ANKRD36: variants seen among roughly 807,000 people sequenced by gnomAD.
The protein encoded by ANKRD36 is ankyrin repeat domain 36.
Under a neutral mutation model 278.1 loss-of-function variants are expected in ANKRD36, and 179 were observed. That is an observed-to-expected ratio of 0.64 (90% CI 0.57 to 0.73). The LOEUF (loss-of-function observed/expected upper bound fraction) is 0.73, where lower values mean the gene tolerates loss of function less well. ANKRD36 is among the 30% of genes least tolerant of loss of function. The pLI is 0.00. For missense variants in ANKRD36, 1,159 were observed against 1,956.7 expected, an observed-to-expected ratio of 0.59 and a Z score of 7.69; for synonymous variants, 320 against 641.1, an observed-to-expected ratio of 0.50 and a Z score of 7.57.
chr2:97,134,111 C>T (rs2040884896), intron 6 of ANKRD36, among the ~76,000 whole-genome samples: 1 of 151,916 alleles, frequency 6.6e-6, no homozygotes, highest in South Asian at 2.1e-4. Context: ...TTTGCTGTCC[C>T]CATAGTTTTG....
chr2:97,176,808 T>G (rs1310294926), intron 22 of ANKRD36, among the ~76,000 whole-genome samples: 1 of 151,700 alleles, frequency 6.6e-6, no homozygotes, highest in Non-Finnish European at 1.5e-5. Context: ...GGAGCTCTTT[T>G]AGGGCAGGCC....
chr2:97,184,753 A>T (rs934777522), intron 28 of ANKRD36, among the ~76,000 whole-genome samples: 1 of 151,764 alleles, frequency 6.6e-6, no homozygotes, highest in African/African-American at 2.4e-5. Flanking sequence ...TATGATAAAT[A>T]ATGAATACTA....
At chr2:97,130,849 A>G (rs1272982170) in intron 6 of ANKRD36, among the ~76,000 whole-genome samples, 1 of 151,978 alleles carries the variant, frequency 6.6e-6, no homozygotes, top group Non-Finnish European at 1.5e-5. Flanking sequence ...ACTATATATG[A>G]TTTTCTTTTA....
At chr2:97,172,954 T>C (rs2443863) in intron 22 of ANKRD36, among the ~76,000 whole-genome samples, 17 of 151,972 alleles carry the variant, frequency 1.1e-4, no homozygotes, top group Admixed American at 7.2e-4. Flanking sequence ...TCCTGTCTAA[T>C]GTACTTTGCT....
At chr2:97,152,000 T>C in intron 13 of ANKRD36, 61 bp downstream of exon 13, 2 of 1,312,204 alleles carry the variant, frequency 1.5e-6, no homozygotes, top group East Asian at 5.1e-5. Context: ...TTTTTTTTTT[T>C]TCTTTGTGAA....
At chr2:97,121,764 T>C (rs1381288495) in intron 3 of ANKRD36, among the ~76,000 whole-genome samples, 1 of 152,102 alleles carries the variant, frequency 6.6e-6, no homozygotes, top group Non-Finnish European at 1.5e-5. Context: ...TATTTCTGAT[T>C]GATATTTTAC....
At chr2:97,186,910 G>T (rs1036970075) in intron 30 of ANKRD36, among the ~76,000 whole-genome samples, 2 of 151,804 alleles carry the variant, frequency 1.3e-5, no homozygotes, top group Non-Finnish European at 2.9e-5. Flanking sequence ...CACATTTGTC[G>T]TGATCACTTG....
chr2:97,149,628 G>A (rs937626826), intron 12 of ANKRD36, among the ~76,000 whole-genome samples: 213 of 152,078 alleles, frequency 1.4e-3, no homozygotes, highest in Non-Finnish European at 2.5e-3. Flanking sequence ...AATGATGTTC[G>A]GGAATGCTTT....
At chr2:97,154,155 C>G (rs1160980641) in intron 14 of ANKRD36, among the ~76,000 whole-genome samples, 1 of 145,850 alleles carries the variant, frequency 6.9e-6, no homozygotes, top group African/African-American at 2.4e-5. Context: ...TCAATGGGCC[C>G]TCTTTAAGTA....
chr2:97,230,733 A>G (rs1328680789), intron 67 of ANKRD36, among the ~76,000 whole-genome samples: 1 of 151,980 alleles, frequency 6.6e-6, no homozygotes, highest in Non-Finnish European at 1.5e-5. Flanking sequence ...TAGAGTTTCC[A>G]GTTTTTCTGC....
At position 97,174,562 on chromosome 2, in the gene ANKRD36, C is replaced by T. The variant is rs557067195; in HGVS notation, c.1634-5176C>T. ...TAGCAACTTAGATATATAATCATGT[C>T]ATCTGCAAACAGGGACAATTTGACT... On this transcript the variant is annotated intron_variant, in intron 22 of 75. Coordinates refer to ENST00000420699, the MANE Select transcript of ANKRD36 (RefSeq NM_001354587.1). Among the ~76,000 whole-genome samples the T allele has an allele frequency of 1.4e-3, 212 of 151,950 alleles. 2 individuals are homozygous for T. Among genetic ancestry groups the T allele is most frequent in the Admixed American group, 2.8e-3 (42 of 15,182 alleles).
intron 6 of ANKRD36, among the ~76,000 whole-genome samples, chr2:97,136,116 T>G (rs1329033488): frequency 6.7e-5 from 10 of 150,060 alleles, no homozygotes; most frequent in Non-Finnish European, 1.5e-5. Context: ...CCTCCTGGGA[T>G]GTGAGAGGGG....
rs1329490095 is a variant in ANKRD36, at chr2:97,208,523, G to A, written c.3265+517G>A. Reference sequence around the variant, plus strand: ...TTTATATAATTTTGGAGTTTCTGCTGAGGAAACCTGAGTGAACTCACTTCA... The same window carrying A: ...TTTATATAATTTTGGAGTTTCTGCTAAGGAAACCTGAGTGAACTCACTTCA... On this transcript the variant is annotated intron_variant, in intron 54 of 75. Coordinates refer to ENST00000420699, the MANE Select transcript of ANKRD36 (RefSeq NM_001354587.1). Among the ~76,000 whole-genome samples the A allele has an allele frequency of 5.5e-5, 8 of 146,242 alleles. 1 individual carries two copies. The highest frequency in any genetic ancestry group is 1.6e-4 in the African/African-American group (6 of 37,470).
At chr2:97,190,861 C>G (rs2058364828) in intron 34 of ANKRD36, 117 bp from the exon 35 acceptor site, 1 of 1,439,700 alleles carries the variant, frequency 6.9e-7, no homozygotes, top group Admixed American at 2.0e-5. Flanking sequence ...TAGAAGACAT[C>G]AGAGCCTACA....
chr2:97,196,202 C>T (rs1354594058), intron 40 of ANKRD36, among the ~76,000 whole-genome samples: 1 of 151,964 alleles, frequency 6.6e-6, no homozygotes, highest in Admixed American at 6.6e-5. Context: ...GGTGTAAATC[C>T]TTTTGATTTG....
At chr2:97,165,915 A>G (rs2050520769) in intron 20 of ANKRD36, among the ~76,000 whole-genome samples, 4 of 152,262 alleles carry the variant, frequency 2.6e-5, no homozygotes, top group Admixed American at 1.3e-4. Flanking sequence ...TAATGCTCTC[A>G]TTTTTCATGT....
intron 15 of ANKRD36, among the ~76,000 whole-genome samples, chr2:97,155,453 A>G (rs1181397294): frequency 6.8e-6 from 1 of 146,192 alleles, no homozygotes; most frequent in Non-Finnish European, 1.5e-5. Context: ...AATTTAAAAA[A>G]TTGTGGAATA....
At chr2:97,194,815 A>C in intron 39 of ANKRD36, 30 bp from the exon 40 acceptor site, 1 of 1,601,780 alleles carries the variant, frequency 6.2e-7, no homozygotes, top group Non-Finnish European at 8.5e-7. Flanking sequence ...AACATACCTT[A>C]TTTATTATTT....
rs566953517 is a variant in ANKRD36, at chr2:97,121,532, C to T, written c.487-1355C>T. ...GCACACTCCTGTAGTCCCAGCTACT[C>T]GGGAGGCTGAGGCAGGAGAATTTCT... On this transcript the variant is annotated intron_variant, in intron 3 of 75. Coordinates refer to ENST00000420699, the MANE Select transcript of ANKRD36 (RefSeq NM_001354587.1). Among the ~76,000 whole-genome samples, 232 of 152,118 alleles carry T rather than the reference C, an allele frequency of 1.5e-3. 2 individuals carry two copies. Among genetic ancestry groups the T allele is most frequent in the African/African-American group, 5.3e-3 (218 of 41,516 alleles).
Sources: allele counts gnomAD v4.1 joint callset (sites outside exome capture counted in the v4.1 genomes callset), GRCh38; gene constraint gnomAD v4.1.1; transcripts MANE v1.5; gene names NCBI Gene and HGNC (gene_info 2026-07-23, HGNC 2026-07-21).